The following GNAO1 variants were observed in gnomAD, a reference collection of about 807,000 sequenced individuals.
The protein encoded by GNAO1 is guanine nucleotide-binding protein G(o) subunit alpha.
For synonymous variants in GNAO1, 164 were observed against 180.7 expected, an observed-to-expected ratio of 0.91 and a Z score of 0.74; for missense variants, 166 against 478.7, an observed-to-expected ratio of 0.35 and a Z score of 6.10.
intron 8 of GNAO1, 42 bp downstream of exon 8, chr16:56,355,123 C>CAG: frequency 1.3e-6 from 1 of 759,914 alleles, no homozygotes; most frequent in Non-Finnish European, 2.2e-6. Context: ...CGTGCGCGCG[C>CAG]ATACACACAC....
chr16:56,261,220 G>A (rs114842108), intron 2 of GNAO1, among the ~76,000 whole-genome samples: 1 of 152,192 alleles, frequency 6.6e-6, no homozygotes, highest in East Asian at 1.9e-4. Context: ...TCCCTGAGGA[G>A]CCCCCATTTG....
chr16:56,234,502 C>T lies in GNAO1; in HGVS notation c.162-41429C>T, dbSNP rs75019896. Among the ~76,000 whole-genome samples the T allele has an allele frequency of 7.6e-3, 1,153 of 152,348 alleles. 7 individuals are homozygous for T. Among genetic ancestry groups the T allele is most frequent in the Non-Finnish European group, 0.012 (831 of 68,036 alleles). ...CTGTGATTCAGCCAGGCCTGCAGTT[C>T]CTCAGCCTTGCCCATGAGGCTCTAA... On this transcript the variant is annotated intron_variant, in intron 2 of 8. Coordinates refer to ENST00000262493, the MANE Select transcript of GNAO1 (RefSeq NM_020988.3).
intron 2 of GNAO1, among the ~76,000 whole-genome samples, chr16:56,214,063 C>T (rs2036417373): frequency 6.6e-6 from 1 of 152,074 alleles, no homozygotes; most frequent in African/African-American, 2.4e-5. Context: ...GGAAGGATCC[C>T]TTCCATGAAT....
At chr16:56,217,213 T>C (rs2036444115) in intron 2 of GNAO1, among the ~76,000 whole-genome samples, 1 of 152,262 alleles carries the variant, frequency 6.6e-6, no homozygotes, top group East Asian at 1.9e-4. Flanking sequence ...CCCTGTGACA[T>C]GTTCTTGCCT....
At chr16:56,200,892 G>A (rs2036276589) in intron 2 of GNAO1, among the ~76,000 whole-genome samples, 1 of 152,176 alleles carries the variant, frequency 6.6e-6, no homozygotes, top group Non-Finnish European at 1.5e-5. Flanking sequence ...CAAAAATGGG[G>A]GCCATTTTCA....
chr16:56,339,115 C>T (rs529867385), intron 6 of GNAO1, among the ~76,000 whole-genome samples: 111 of 152,390 alleles, frequency 7.3e-4, no homozygotes, highest in Non-Finnish European at 1.3e-3. Context: ...AAAGGCAGCT[C>T]ATTGCCGTGG....
chr16:56,194,599 CG>C (rs1298450810), intron 2 of GNAO1: 2 of 195,728 alleles, frequency 1.0e-5, no homozygotes, highest in South Asian at 9.4e-5. Flanking sequence ...TGTTCGGAGC[CG>C]AGTCGGTGCT....
chr16:56,306,574 C>T (rs1346510075), intron 3 of GNAO1, among the ~76,000 whole-genome samples: 7 of 152,204 alleles, frequency 4.6e-5, no homozygotes, highest in African/African-American at 1.7e-4. Context: ...TGCCTGCAGA[C>T]ACACAGACCA....
intron 2 of GNAO1, among the ~76,000 whole-genome samples, chr16:56,204,622 G>C (rs2036309238): frequency 3.3e-5 from 5 of 152,176 alleles, no homozygotes; most frequent in Non-Finnish European, 5.9e-5. Context: ...GTGGCGAGCA[G>C]GGTTCTGTTT....
intron 2 of GNAO1, among the ~76,000 whole-genome samples, chr16:56,223,524 G>A (rs1318754934): frequency 6.6e-6 from 1 of 152,210 alleles, no homozygotes; most frequent in African/African-American, 2.4e-5. Flanking sequence ...CATCTGCAAA[G>A]TCCCTTTGGC....
intron 6 of GNAO1, among the ~76,000 whole-genome samples, chr16:56,338,325 A>C (rs1286349372): frequency 1.3e-5 from 2 of 152,162 alleles, no homozygotes; most frequent in Admixed American, 1.3e-4. Flanking sequence ...CAGTGATGTC[A>C]GTCACCAGCC....
intron 8 of GNAO1, chr16:56,355,513 C>A (rs1481859372): frequency 2.6e-5 from 4 of 152,420 alleles, no homozygotes; most frequent in Admixed American, 2.6e-4. Flanking sequence ...CCCTTAGAGC[C>A]TCTGCGCCCT....
rs574363021 is a variant in GNAO1 at position 56,315,090 on chromosome 16, C to T, written c.304-13541C>T. Among the ~76,000 whole-genome samples the T allele has an allele frequency of 2.6e-5, 4 of 152,332 alleles. No homozygotes were observed. In the South Asian group the frequency reaches 8.3e-4, roughly 32 times the overall value. Reference sequence around the variant, plus strand: ...GGATGAGGAGGCAAGAGGGATGAACCAGCCTGGGGATAGGCACCAGTTGGC... The same window carrying T: ...GGATGAGGAGGCAAGAGGGATGAACTAGCCTGGGGATAGGCACCAGTTGGC... On this transcript the variant is annotated intron_variant, in intron 3 of 8. Coordinates refer to ENST00000262493, the MANE Select transcript of GNAO1 (RefSeq NM_020988.3).
intron 6 of GNAO1, among the ~76,000 whole-genome samples, chr16:56,338,141 G>A (rs1423880635): frequency 2.6e-5 from 4 of 152,178 alleles, no homozygotes; most frequent in South Asian, 2.1e-4. Flanking sequence ...CTATAGGGAG[G>A]AGGAGCCGCC....
At chr16:56,201,974 T>C (rs78142461) in intron 2 of GNAO1, among the ~76,000 whole-genome samples, 3,298 of 152,152 alleles carry the variant, frequency 0.022, 108 homozygotes, top group African/African-American at 0.066. Context: ...GCGAGAGCCA[T>C]AGAAGTTGGT....
chr16:56,342,893 G>A (rs577548607), intron 6 of GNAO1, among the ~76,000 whole-genome samples: 79 of 150,992 alleles, frequency 5.2e-4, no homozygotes, highest in Middle Eastern at 3.6e-3. Context: ...AGGGTGGGTC[G>A]CCTGAGGTCA....
chr16:56,286,480 C>T (rs1319282796), intron 3 of GNAO1, among the ~76,000 whole-genome samples: 1 of 152,148 alleles, frequency 6.6e-6, no homozygotes, highest in Non-Finnish European at 1.5e-5. Flanking sequence ...TCCCTGGCTT[C>T]CCCCATCTCT....
intron 3 of GNAO1, among the ~76,000 whole-genome samples, chr16:56,305,012 G>A (rs1408521565): frequency 6.6e-6 from 1 of 152,236 alleles, no homozygotes; most frequent in Non-Finnish European, 1.5e-5. Flanking sequence ...TGACATTGCA[G>A]CTACCCTCAT....
chr16:56,271,459 A>T (rs1428236823), intron 2 of GNAO1, among the ~76,000 whole-genome samples: 3 of 147,430 alleles, frequency 2.0e-5, no homozygotes, highest in Non-Finnish European at 4.5e-5. Context: ...AAATGCTATT[A>T]TTTTTTTTGG....
Sources: gnomAD v4.1 joint callset for allele counts (sites outside exome capture counted in the v4.1 genomes callset) on GRCh38, gnomAD v4.1.1 for gene constraint, MANE v1.5 for transcripts, NCBI Gene and HGNC (gene_info 2026-07-23, HGNC 2026-07-21) for gene names.